The following RAB40A variants were observed in gnomAD, a reference collection of about 807,000 sequenced individuals.
The protein encoded by RAB40A is RAB40A, member RAS oncogene family, also known as ras-related protein Rab-40A.
For missense variants in RAB40A, 145 were observed against 230.2 expected (o/e 0.63, Z 2.40); for synonymous variants, 65 against 99.9 (o/e 0.65, Z 2.08).
chrX:103,508,237 A>G (rs769989017), intron 2 of RAB40A, among the ~76,000 whole-genome samples: 48 of 111,773 alleles, frequency 4.3e-4, no homozygotes, highest in Admixed American at 9.5e-5. Context: ...CTGTGGGGCC[A>G]CAATAGCAGG....
chrX:103,515,196 C>CA (rs1479156148), intron 2 of RAB40A, among the ~76,000 whole-genome samples: 1 of 112,493 alleles, frequency 8.9e-6, no homozygotes, highest in Non-Finnish European at 1.9e-5. Flanking sequence ...ACAGAATACT[C>CA]ATCTTTATGC....
In RAB40A at chrX:103,499,948, G is replaced by A; in HGVS notation, c.809C>T (p.Thr270Ile). The A allele has an allele frequency of 8.3e-7, 1 of 1,210,512 alleles. No individual in the cohort carries two copies. ...TTAAGAAATTTTGCAGCTGTTTCTG[G>A]TGCAGTTTTTGGGTGGGCTCTGGGG... is the stretch of plus-strand genomic sequence containing the variant. ...CPPQSPPKNC[T>I]RNSCKIS is the part of the protein sequence containing the mutation. The change falls in exon 3 of 3, where the codon ACC becomes ATC. Residue 270 changes from threonine to isoleucine, a missense_variant. Coordinates refer to ENST00000304236, the MANE Select transcript of RAB40A (RefSeq NM_080879.3).
intron 2 of RAB40A, chrX:103,501,976 T>G (rs575297862): frequency 1.6e-5 from 2 of 123,284 alleles, no homozygotes; most frequent in South Asian, 7.4e-4. Flanking sequence ...GGTACAAAGA[T>G]GGTTAAAGAA....
chrX:103,516,937 C>A lies in RAB40A; in HGVS notation c.-71+437G>T, dbSNP rs769965259. Among the ~76,000 whole-genome samples the A allele has an allele frequency of 2.7e-5, 3 of 111,331 alleles. No homozygotes were observed. In the East Asian group the frequency reaches 8.4e-4, roughly 31 times the overall value. ...TAATCTAACTTTGCTTTTTAATGAA[C>A]CCTTTACAGCTGGCCCAGACCCAAT... On this transcript the variant is annotated intron_variant, in intron 2 of 2. Coordinates refer to ENST00000304236, the MANE Select transcript of RAB40A (RefSeq NM_080879.3).
chrX:103,497,328 G>A (rs2073182522), downstream of RAB40A, among the ~76,000 whole-genome samples: 1 of 110,872 alleles, frequency 9.0e-6, no homozygotes, highest in African/African-American at 3.3e-5. Flanking sequence ...TTTAATGCCT[G>A]TTAACTATGG....
At chrX:103,513,565 C>T (rs747482777) in intron 2 of RAB40A, among the ~76,000 whole-genome samples, 1 of 111,508 alleles carries the variant, frequency 9.0e-6, no homozygotes, top group Admixed American at 9.5e-5. Context: ...CCTAAACTAA[C>T]CGAGGGATTT....
At chrX:103,509,362 C>T (rs2073274734) in intron 2 of RAB40A, among the ~76,000 whole-genome samples, 1 of 90,153 alleles carries the variant, frequency 1.1e-5, no homozygotes, top group Admixed American at 1.2e-4. Context: ...TCCCCTCTCC[C>T]CTAACCCCTC....
chrX:103,496,698 G>T (rs1300021557), downstream of RAB40A, among the ~76,000 whole-genome samples: 1 of 112,456 alleles, frequency 8.9e-6, no homozygotes, highest in East Asian at 2.8e-4. Flanking sequence ...TGAAGCAATA[G>T]TATGGGATAT....
At chrX:103,500,943 G>A (rs966482847) in intron 2 of RAB40A, 117 bp from the exon 3 acceptor site, 1 of 857,553 alleles carries the variant, frequency 1.2e-6, no homozygotes, top group African/African-American at 2.1e-5. Flanking sequence ...AACTGATTCA[G>A]CGATTGTTTT....
chrX:103,498,703 C>T (rs1244243528), downstream of RAB40A, among the ~76,000 whole-genome samples: 2 of 112,218 alleles, frequency 1.8e-5, no homozygotes, highest in Non-Finnish European at 3.8e-5. Context: ...CCCACAGCTC[C>T]GTGAGGCCAG....
At chrX:103,515,443 C>CTG (rs752199830) in intron 2 of RAB40A, among the ~76,000 whole-genome samples, 3 of 111,983 alleles carry the variant, frequency 2.7e-5, no homozygotes, top group Non-Finnish European at 5.6e-5. Context: ...TAAATAATCT[C>CTG]TGTGGGATGT....
rs1057431150 is a variant in RAB40A at position 103,499,596 on chromosome X, G to A, written c.*327C>T. On this transcript the variant is annotated 3_prime_UTR_variant, in exon 3 of 3. Transcript: ENST00000304236. ...GCCATATCACCATTCTAACAAAGGC[G>A]GTTATTTTAAGGAAAAAGTTGCAGC... 2.1e-5 allele frequency: 7 copies of A among 329,388 alleles called. No individual in the cohort carries two copies. Among genetic ancestry groups the A allele is most frequent in the African/African-American group, 5.3e-5 (2 of 37,758 alleles). 27.1% of individuals were successfully genotyped at this position (329,388 alleles called of 1,213,427 possible). A position where few individuals can be genotyped will look rare whatever the true frequency, so the allele number is the denominator to read the frequency against.
In RAB40A at chrX:103,519,381, A is replaced by T. The variant is rs1168701779; in HGVS notation, c.-234T>A. The T allele has an allele frequency of 8.9e-6, 1 of 111,761 alleles. No homozygotes were observed. Among genetic ancestry groups the T allele is most frequent in the Non-Finnish European group, 1.9e-5 (1 of 53,128 alleles). The allele number at this position is 111,761 out of a possible 1,213,427, so 9.2% of individuals were successfully genotyped here. On this transcript the variant is annotated 5_prime_UTR_variant, in exon 1 of 3. Transcript: ENST00000304236. The stretch of plus-strand genomic sequence containing the variant: ...TTGATTTGGAAAACCTTTCTCCTGT[A>T]GCCAGTCCACCTCCATGTGCTTGAT...
chrX:103,503,357 G>A, intron 2 of RAB40A: 1 of 753,421 alleles, frequency 1.3e-6, no homozygotes, highest in Non-Finnish European at 1.6e-6. Flanking sequence ...GGTCTGGGAA[G>A]CTTATGCACG....
intron 2 of RAB40A, chrX:103,502,157 A>T (rs1247708080): frequency 6.5e-5 from 8 of 123,287 alleles, no homozygotes; most frequent in African/African-American, 2.6e-4. Context: ...AAAAAATGAG[A>T]AACATTCTAA....
chrX:103,504,007 AG>A (rs1458341717), intron 2 of RAB40A, among the ~76,000 whole-genome samples: 1 of 112,392 alleles, frequency 8.9e-6, no homozygotes, highest in Non-Finnish European at 1.9e-5. Flanking sequence ...GCCATAAAAA[AG>A]AACAATATAA....
intron 2 of RAB40A, among the ~76,000 whole-genome samples, chrX:103,506,468 CAG>C (rs984099732): frequency 4.5e-5 from 5 of 111,992 alleles, no homozygotes; most frequent in African/African-American, 1.6e-4. Context: ...TAAATCCAAA[CAG>C]ATCTATTTAA....
chrX:103,501,620 C>A (rs766975519), intron 2 of RAB40A: 2 of 123,476 alleles, frequency 1.6e-5, no homozygotes, highest in Non-Finnish European at 3.8e-5. Context: ...AACACATGTA[C>A]AGCTCCTATA....
At chrX:103,497,691 C>G (rs777430971), downstream of RAB40A, 3 of 111,862 alleles carry the variant, frequency 2.7e-5, no homozygotes, top group African/African-American at 9.7e-5. Flanking sequence ...TGGTCCAGCT[C>G]TTGTGTCACT....
Sources: gnomAD v4.1 joint callset for allele counts (sites outside exome capture counted in the v4.1 genomes callset) on GRCh38, gnomAD v4.1.1 for gene constraint, MANE v1.5 for transcripts, NCBI Gene and HGNC (gene_info 2026-07-23, HGNC 2026-07-21) for gene names.